HCRTR2: variants seen among roughly 807,000 people sequenced by gnomAD.
HCRTR2 encodes the protein orexin receptor type 2.
Under a neutral mutation model 49.0 loss-of-function variants are expected in HCRTR2, and 22 were observed. That is an observed-to-expected ratio of 0.45 (90% confidence interval 0.32 to 0.64). HCRTR2 has a LOEUF of 0.64. Among genes scored for constraint, HCRTR2 ranks in the 30% least tolerant of loss-of-function variants. HCRTR2 has a pLI of 0.04. For synonymous variants in HCRTR2, 236 were observed against 205.3 expected (o/e 1.15, Z -1.28); for missense variants, 491 against 559.4 (o/e 0.88, Z 1.23).
intron 1 of HCRTR2, among the ~76,000 whole-genome samples, chr6:55,245,469 TTATATATATATATATATATATA>T (rs745939954): frequency 1.8e-5 from 1 of 56,800 alleles, no homozygotes; most frequent in African/African-American, 5.7e-5. Context: ...TAGGAAGATT[TTATATATATATATATATATATA>T]TATATATATA....
chr6:55,185,103 T>A (rs1420388509), intron 1 of HCRTR2, among the ~76,000 whole-genome samples: 1 of 152,256 alleles, frequency 6.6e-6, no homozygotes, highest in African/African-American at 2.4e-5. Flanking sequence ...CCGAATCAAC[T>A]TTTTATTATT....
chr6:55,220,266 T>G (rs967885009), intron 1 of HCRTR2, among the ~76,000 whole-genome samples: 1 of 152,138 alleles, frequency 6.6e-6, no homozygotes, highest in African/African-American at 2.4e-5. Flanking sequence ...TCAAACAAGC[T>G]ACAGGCCACT....
At chr6:55,178,548 T>C (rs1436649847) in intron 1 of HCRTR2, among the ~76,000 whole-genome samples, 2 of 152,188 alleles carry the variant, frequency 1.3e-5, no homozygotes, top group Non-Finnish European at 1.5e-5. Flanking sequence ...CACTAATTAA[T>C]GTCAATTTTT....
intron 1 of HCRTR2, among the ~76,000 whole-genome samples, chr6:55,158,628 G>A (rs531830177): frequency 9.2e-5 from 14 of 152,294 alleles, no homozygotes; most frequent in African/African-American, 2.4e-4. Context: ...AGAGAGGGAC[G>A]TCCACCATTA....
chr6:55,268,164 G>A (rs141332295), intron 4 of HCRTR2, among the ~76,000 whole-genome samples: 5 of 151,932 alleles, frequency 3.3e-5, no homozygotes, highest in African/African-American at 1.2e-4. Context: ...TTTAATTCCT[G>A]GTGTAACCAC....
chr6:55,274,256 T>A (rs1336080609), intron 4 of HCRTR2, among the ~76,000 whole-genome samples: 4 of 141,328 alleles, frequency 2.8e-5, no homozygotes, highest in Admixed American at 2.1e-4. Flanking sequence ...TATATATATA[T>A]AATGAAATAT....
intron 1 of HCRTR2, among the ~76,000 whole-genome samples, chr6:55,145,531 C>T (rs10456180): frequency 0.27 from 40,280 of 151,750 alleles, 6,265 homozygotes; most frequent in Middle Eastern, 0.45. Flanking sequence ...CTGCCTCGGC[C>T]TCCTGAGTAG....
chr6:55,229,676 T>G (rs765802486), intron 1 of HCRTR2, among the ~76,000 whole-genome samples: 8 of 152,202 alleles, frequency 5.3e-5, no homozygotes, highest in Admixed American at 3.9e-4. Flanking sequence ...ATTAGGTATT[T>G]GAAATAGTCA....
intron 6 of HCRTR2, 140 bp downstream of exon 6, chr6:55,280,584 CTCTTT>C: frequency 8.6e-7 from 1 of 1,163,676 alleles, no homozygotes; most frequent in East Asian, 2.6e-5. Flanking sequence ...TGAGTTTCTT[CTCTTT>C]TGAGGCAAAG....
intron 1 of HCRTR2, among the ~76,000 whole-genome samples, chr6:55,219,778 A>T (rs1430297539): frequency 6.6e-6 from 1 of 151,904 alleles, no homozygotes; most frequent in Non-Finnish European, 1.5e-5. Context: ...CTTTTTAAAG[A>T]TCAATAAAAT....
chr6:55,133,023 TC>T (rs1403099542), intron 1 of HCRTR2, among the ~76,000 whole-genome samples: 2 of 151,810 alleles, frequency 1.3e-5, no homozygotes, highest in Non-Finnish European at 3.0e-5. Context: ...GCTGATAATC[TC>T]AAAGTAAGAT....
chr6:55,170,851 C>T (rs892429085), upstream of HCRTR2, among the ~76,000 whole-genome samples: 11 of 150,176 alleles, frequency 7.3e-5, no homozygotes, highest in Admixed American at 2.0e-4. Context: ...TTTGTCCTTG[C>T]GATAGTTTGC....
intron 1 of HCRTR2, among the ~76,000 whole-genome samples, chr6:55,193,186 G>A (rs186299522): frequency 5.3e-4 from 80 of 152,258 alleles, no homozygotes; most frequent in Admixed American, 3.4e-3. Flanking sequence ...AGATAAAAAA[G>A]ATATTATCAT....
chr6:55,179,515 T>C (rs1224823830), intron 1 of HCRTR2, among the ~76,000 whole-genome samples: 2 of 152,134 alleles, frequency 1.3e-5, no homozygotes, highest in Non-Finnish European at 2.9e-5. Context: ...AAAATCCCAA[T>C]GATAACTTTT....
Position 55,125,821 on chromosome 6 carries a change from CTT to C in HCRTR2, c.-378+19284_-378+19285del, listed in dbSNP as rs56125210. The stretch of plus-strand genomic sequence containing the variant: ...GAGGCTTTGTTCATTGCTTTTTATT[CTT>C]TTTTTTTCAAATCTTGTCTTCTCAC... On this transcript the variant is annotated intron_variant, in intron 1 of 7. Coordinates refer to the HCRTR2 transcript ENST00000615358. Among the ~76,000 whole-genome samples the C allele has an allele frequency of 5.7e-4, 86 of 151,512 alleles. 1 individual carries two copies. The highest frequency in any genetic ancestry group is 1.6e-3 in the African/African-American group (68 of 41,300).
chr6:55,109,455 T>G (rs1380585656), intron 1 of HCRTR2, among the ~76,000 whole-genome samples: 4 of 151,508 alleles, frequency 2.6e-5, no homozygotes, highest in Non-Finnish European at 4.4e-5. Context: ...GAATACCAAC[T>G]TAAAGAAATT....
chr6:55,237,899 T>C (rs1184949265), intron 1 of HCRTR2, among the ~76,000 whole-genome samples: 1 of 152,226 alleles, frequency 6.6e-6, no homozygotes, highest in Non-Finnish European at 1.5e-5. Context: ...TGGTTGAAAC[T>C]GCACAGTTTT....
intron 1 of HCRTR2, among the ~76,000 whole-genome samples, chr6:55,196,873 G>C (rs1251377659): frequency 6.6e-6 from 1 of 152,036 alleles, no homozygotes; most frequent in African/African-American, 2.4e-5. Flanking sequence ...CTGTAGCATG[G>C]GTGGTCTTCC....
rs568636745 is a variant in HCRTR2, at chr6:55,199,319, C to A, written c.223+24509C>A. On this transcript the variant is annotated intron_variant, in intron 1 of 6. Transcript: ENST00000370862. Reference sequence around the variant, plus strand: ...AAGTTGGGAATACTTCACATTTTGTCTTTGAAAATTTGGAGAGTACTTAAA... The same window carrying A: ...AAGTTGGGAATACTTCACATTTTGTATTTGAAAATTTGGAGAGTACTTAAA... Among the ~76,000 whole-genome samples the A allele has an allele frequency of 1.3e-3, 191 of 149,772 alleles. 1 individual carries two copies. The highest frequency in any genetic ancestry group is 4.4e-3 in the African/African-American group (181 of 40,710).
Sources: gnomAD v4.1 joint callset for allele counts (sites outside exome capture counted in the v4.1 genomes callset) on GRCh38, gnomAD v4.1.1 for gene constraint, MANE v1.5 for transcripts, NCBI Gene and HGNC (gene_info 2026-07-23, HGNC 2026-07-21) for gene names.